FAT3: variants seen among roughly 807,000 people sequenced by gnomAD.
FAT3 encodes the protein FAT atypical cadherin 3, also known as protocadherin Fat 3.
Under a neutral mutation model 310.2 loss-of-function variants are expected in FAT3, and 95 were observed. The observed-to-expected ratio is 0.31, with a 90% CI of 0.26 to 0.36. The LOEUF is 0.36. FAT3 is among the 10% of genes least tolerant of loss of function. The pLI, the probability that FAT3 is intolerant of heterozygous loss-of-function variation, is 1.00. For missense variants in FAT3, 5,408 were observed against 5,715.6 expected (o/e 0.95, Z 1.74); for synonymous variants, 2,314 against 2,192.9 (o/e 1.06, Z -1.54).
At chr11:92,341,401 T>C (rs552544353) in intron 1 of FAT3, among the ~76,000 whole-genome samples, 8 of 152,232 alleles carry the variant, frequency 5.3e-5, no homozygotes, top group African/African-American at 1.9e-4. Flanking sequence ...TCATTAGCAC[T>C]GAGTACTAAT....
At chr11:92,740,373 G>A (rs192115840) in intron 4 of FAT3, among the ~76,000 whole-genome samples, 3 of 152,202 alleles carry the variant, frequency 2.0e-5, no homozygotes, top group South Asian at 2.1e-4. Context: ...AATCTGTTTG[G>A]CTTTTGACAT....
intron 17 of FAT3, among the ~76,000 whole-genome samples, chr11:92,839,545 G>GA (rs1948485853): frequency 6.6e-6 from 1 of 152,130 alleles, no homozygotes; most frequent in Non-Finnish European, 1.5e-5. Context: ...TCCCAACCCT[G>GA]AATGACGTTC....
At chr11:92,301,097 G>A (rs1946986350) in intron 1 of FAT3, among the ~76,000 whole-genome samples, 1 of 152,054 alleles carries the variant, frequency 6.6e-6, no homozygotes, top group Non-Finnish European at 1.5e-5. Flanking sequence ...TTTTGGTGAC[G>A]GGCAGCATGG....
Position 92,800,600 on chromosome 11 carries a change from G to A in FAT3, c.7587G>A (p.Gly2529=). 2.5e-6 allele frequency: 4 copies of A among 1,613,724 alleles called. No individual in the cohort carries two copies. Among genetic ancestry groups the A allele is most frequent in the Non-Finnish European group, 2.5e-6 (3 of 1,179,802 alleles). Reference sequence around the variant, plus strand: ...CAGATGGTGATCCAGGGACTTATGGGCAGATCAGCTATGCCATCATCAATG... The same window carrying A: ...CAGATGGTGATCCAGGGACTTATGGACAGATCAGCTATGCCATCATCAATG... The part of the protein sequence containing the change: ...RATDGDPGTY[G]QISYAIINDF... Residue 2529 remains glycine (G), a synonymous_variant, in exon 10 of 28, where the codon GGG becomes GGA. Coordinates refer to ENST00000525166, the MANE Select transcript of FAT3 (RefSeq NM_001367949.2).
intron 3 of FAT3, among the ~76,000 whole-genome samples, chr11:92,614,368 A>G (rs1314260164): frequency 1.3e-5 from 2 of 152,188 alleles, no homozygotes; most frequent in African/African-American, 2.4e-5. Context: ...TTCCTGAGCA[A>G]TGTACGAGGG....
chr11:92,370,531 G>C (rs140467122), intron 2 of FAT3, among the ~76,000 whole-genome samples: 2 of 152,230 alleles, frequency 1.3e-5, no homozygotes, highest in East Asian at 3.9e-4. Flanking sequence ...ACTTCTAATA[G>C]AATATTTGGT....
At chr11:92,527,825 A>G (rs906616239) in intron 3 of FAT3, among the ~76,000 whole-genome samples, 1 of 152,010 alleles carries the variant, frequency 6.6e-6, no homozygotes, top group Non-Finnish European at 1.5e-5. Context: ...GTGTAGATAG[A>G]TAGATAGATA....
At chr11:92,829,073 A>G (rs1240454172) in intron 13 of FAT3, among the ~76,000 whole-genome samples, 1 of 152,212 alleles carries the variant, frequency 6.6e-6, no homozygotes, top group Non-Finnish European at 1.5e-5. Flanking sequence ...ACCTTCTTCC[A>G]TAACTGATCT....
At chr11:92,826,336 G>T (rs184918230) in intron 13 of FAT3, among the ~76,000 whole-genome samples, 5 of 152,338 alleles carry the variant, frequency 3.3e-5, no homozygotes, top group African/African-American at 1.2e-4. Flanking sequence ...GGGTCATAAA[G>T]ACTGAAATCT....
intron 2 of FAT3, among the ~76,000 whole-genome samples, chr11:92,506,139 G>A (rs1235481822): frequency 1.3e-5 from 2 of 152,126 alleles, no homozygotes; most frequent in Non-Finnish European, 2.9e-5. Context: ...TGGTCTCCTT[G>A]AACTCTAGGG....
intron 2 of FAT3, among the ~76,000 whole-genome samples, chr11:92,520,571 T>C (rs1953648173): frequency 6.6e-6 from 1 of 152,118 alleles, no homozygotes; most frequent in Non-Finnish European, 1.5e-5. Context: ...TGGCATTCCT[T>C]GGTCAATCTT....
chr11:92,378,061 G>A (rs921402403), intron 2 of FAT3, among the ~76,000 whole-genome samples: 13 of 151,882 alleles, frequency 8.6e-5, no homozygotes, highest in African/African-American at 2.4e-4. Flanking sequence ...CATTTAAGGT[G>A]GTGTCAAAAA....
intron 2 of FAT3, among the ~76,000 whole-genome samples, chr11:92,409,261 CGTGT>C (rs36122158): frequency 4.0e-5 from 6 of 149,894 alleles, no homozygotes; most frequent in African/African-American, 9.8e-5. Flanking sequence ...GTGTGTGTGT[CGTGT>C]GTGTGTGTGT....
intron 1 of FAT3, among the ~76,000 whole-genome samples, chr11:92,232,669 C>A (rs942888792): frequency 9.6e-6 from 1 of 104,074 alleles, no homozygotes; most frequent in Non-Finnish European, 1.7e-5. Context: ...AACTGTGCAA[C>A]TGATTAGGAT....
intron 2 of FAT3, 45 bp from the exon 3 acceptor site, chr11:92,524,589 T>C: frequency 6.4e-7 from 1 of 1,561,358 alleles, no homozygotes; most frequent in Non-Finnish European, 8.7e-7. Context: ...TTATTTAATG[T>C]CTTCCCTTTC....
chr11:92,264,096 CTCTA>C (rs1177687978), intron 1 of FAT3, among the ~76,000 whole-genome samples: 1 of 152,162 alleles, frequency 6.6e-6, no homozygotes, highest in African/African-American at 2.4e-5. Flanking sequence ...CTCACATCGA[CTCTA>C]TCTGTGTGCC....
chr11:92,448,028 A>C (rs1267263770), intron 2 of FAT3, among the ~76,000 whole-genome samples: 3 of 152,140 alleles, frequency 2.0e-5, no homozygotes, highest in Non-Finnish European at 4.4e-5. Flanking sequence ...CTGGGACCAC[A>C]TGGCCGGGAC....
chr11:92,691,620 A>G (rs951734555), intron 3 of FAT3, among the ~76,000 whole-genome samples: 6 of 152,130 alleles, frequency 3.9e-5, no homozygotes, highest in African/African-American at 1.4e-4. Flanking sequence ...GCCTCAAGCA[A>G]TCCTCCTGCC....
intron 3 of FAT3, among the ~76,000 whole-genome samples, chr11:92,651,735 C>T (rs1229824253): frequency 6.6e-6 from 1 of 152,166 alleles, no homozygotes; most frequent in African/African-American, 2.4e-5. Flanking sequence ...TTCCTCCAGT[C>T]TATTTTCTTC....
Sources: gnomAD v4.1 joint callset for allele counts (sites outside exome capture counted in the v4.1 genomes callset) on GRCh38, gnomAD v4.1.1 for gene constraint, MANE v1.5 for transcripts, NCBI Gene and HGNC (gene_info 2026-07-23, HGNC 2026-07-21) for gene names.